MYT1L: variants seen among roughly 807,000 people sequenced by gnomAD.
MYT1L encodes myelin transcription factor 1 like, also known as myelin transcription factor 1-like protein.
Under a neutral mutation model 126.7 loss-of-function variants are expected in MYT1L, and 12 were observed. The ratio of observed to expected loss-of-function variants is 0.09; its 90% CI spans 0.06 to 0.15. The LOEUF is 0.15. Among genes scored for constraint, MYT1L ranks in the 10% least tolerant of loss-of-function variants. MYT1L has a pLI of 1.00. For synonymous variants in MYT1L, 541 were observed against 604.2 expected (o/e 0.90, Z 1.53); for missense variants, 979 against 1,585.2 (o/e 0.62, Z 6.49).
chr2:2,223,830 T>C (rs1435587188), intron 2 of MYT1L, among the ~76,000 whole-genome samples: 1 of 152,198 alleles, frequency 6.6e-6, no homozygotes, highest in Non-Finnish European at 1.5e-5. Flanking sequence ...ACTAAGAAGT[T>C]TTAAGCAAAA....
chr2:2,328,571 T>A (rs552950913), intron 1 of MYT1L, among the ~76,000 whole-genome samples: 1 of 152,334 alleles, frequency 6.6e-6, no homozygotes, highest in Admixed American at 6.5e-5. Context: ...TTGGCATAAG[T>A]TCTGCTGTTG....
chr2:1,987,433 A>G (rs954202297), intron 5 of MYT1L, among the ~76,000 whole-genome samples: 1 of 151,350 alleles, frequency 6.6e-6, no homozygotes, highest in African/African-American at 2.4e-5. Flanking sequence ...CAGCGTTTCC[A>G]TGGGAGGGGC....
At chr2:2,009,122 C>A (rs557978775) in intron 4 of MYT1L, among the ~76,000 whole-genome samples, 18 of 150,360 alleles carry the variant, frequency 1.2e-4, no homozygotes, top group Admixed American at 2.6e-4. Flanking sequence ...AGTATGATTC[C>A]TCCAACTTTG....
At chr2:1,830,572 G>C (rs891990509) in intron 21 of MYT1L, among the ~76,000 whole-genome samples, 5 of 146,560 alleles carry the variant, frequency 3.4e-5, no homozygotes, top group Non-Finnish European at 7.8e-5. Flanking sequence ...GGGGGAAAGG[G>C]TATTCTCGGC....
At chr2:1,898,563 G>T (rs975627562) in intron 14 of MYT1L, among the ~76,000 whole-genome samples, 8 of 152,212 alleles carry the variant, frequency 5.3e-5, no homozygotes, top group African/African-American at 1.7e-4. Context: ...AGAGGGTGGA[G>T]CGAATCTGCA....
At chr2:1,805,021 A>G (rs1357694637) in intron 22 of MYT1L, among the ~76,000 whole-genome samples, 1 of 152,194 alleles carries the variant, frequency 6.6e-6, no homozygotes, top group Admixed American at 6.5e-5. Context: ...GCTAAGAGGC[A>G]TACAGTGAAC....
rs146867170 is a variant in MYT1L, at chr2:2,198,191, T to A, written c.-420-25203A>T. Among the ~76,000 whole-genome samples the A allele has an allele frequency of 3.7e-3, 567 of 152,206 alleles. 3 individuals are homozygous for A. The highest frequency in any genetic ancestry group is 8.1e-3 in the South Asian group (39 of 4,810). Reference sequence around the variant, plus strand: ...AAAGACAAACACTGCATGATTTCATTCATACATAGAGGCTAAAACAGTTGA... The same window carrying A: ...AAAGACAAACACTGCATGATTTCATACATACATAGAGGCTAAAACAGTTGA... On this transcript the variant is annotated intron_variant, in intron 2 of 24. Coordinates refer to ENST00000647738, the MANE Select transcript of MYT1L (RefSeq NM_001303052.2).
chr2:2,044,514 A>G (rs1488188906), intron 4 of MYT1L, among the ~76,000 whole-genome samples: 6 of 152,186 alleles, frequency 3.9e-5, no homozygotes, highest in Non-Finnish European at 5.9e-5. Flanking sequence ...CCACAGCACA[A>G]AACTCTGCAA....
rs139539006 is a variant in MYT1L, at chr2:2,297,931, G to A, written c.-520-13428C>T. Among the ~76,000 whole-genome samples, 423 of 152,276 alleles carry A rather than the reference G, an allele frequency of 2.8e-3. 3 individuals are homozygous for A. Among genetic ancestry groups the A allele is most frequent in the Non-Finnish European group, 5.0e-3 (341 of 68,022 alleles). On this transcript the variant is annotated intron_variant, in intron 1 of 24. Coordinates refer to ENST00000647738, the MANE Select transcript of MYT1L (RefSeq NM_001303052.2). ...TACTCACATCTGCTTCATTCTCTGCGTCCACGCCACTTAAAGTTACACAAC... is the reference window on the plus strand; with the variant it reads ...TACTCACATCTGCTTCATTCTCTGCATCCACGCCACTTAAAGTTACACAAC...
At chr2:2,062,823 T>C (rs1319489125) in intron 3 of MYT1L, among the ~76,000 whole-genome samples, 4 of 152,156 alleles carry the variant, frequency 2.6e-5, no homozygotes, top group Admixed American at 2.6e-4. Flanking sequence ...GTCATAATTT[T>C]CTCTTTGCTT....
At chr2:2,104,574 G>T (rs7424523) in intron 3 of MYT1L, among the ~76,000 whole-genome samples, 1 of 152,228 alleles carries the variant, frequency 6.6e-6, no homozygotes, top group African/African-American at 2.4e-5. Flanking sequence ...AGGCTGGCTC[G>T]CCAGGGGCCA....
chr2:2,023,070 C>T (rs1427043166), intron 4 of MYT1L, among the ~76,000 whole-genome samples: 1 of 152,192 alleles, frequency 6.6e-6, no homozygotes, highest in African/African-American at 2.4e-5. Context: ...GTGCTGCCCA[C>T]ATCTTTGTCA....
At chr2:1,833,110 G>T (rs1485251616) in intron 21 of MYT1L, among the ~76,000 whole-genome samples, 1 of 152,220 alleles carries the variant, frequency 6.6e-6, no homozygotes, top group Admixed American at 6.5e-5. Context: ...AGGGTCTCAA[G>T]TTCCTAGGAA....
chr2:1,808,413 A>G (rs936617042), intron 22 of MYT1L, among the ~76,000 whole-genome samples: 3 of 152,190 alleles, frequency 2.0e-5, no homozygotes, highest in Non-Finnish European at 2.9e-5. Flanking sequence ...CTACAAAAGC[A>G]CTGAGATCAT....
chr2:2,190,575 AAAG>A (rs1553546098), intron 2 of MYT1L, among the ~76,000 whole-genome samples: 26 of 141,220 alleles, frequency 1.8e-4, no homozygotes, highest in African/African-American at 7.0e-4. Flanking sequence ...AAAAAAAAAA[AAAG>A]AAGAAGAAAG....
intron 2 of MYT1L, among the ~76,000 whole-genome samples, chr2:2,226,368 A>T (rs1375419039): frequency 6.6e-6 from 1 of 152,208 alleles, no homozygotes; most frequent in Non-Finnish European, 1.5e-5. Context: ...AATTAGATGG[A>T]TGGAATATAA....
chr2:1,915,925 G>T (rs773855654), intron 11 of MYT1L, among the ~76,000 whole-genome samples: 1 of 152,098 alleles, frequency 6.6e-6, no homozygotes, highest in Non-Finnish European at 1.5e-5. Flanking sequence ...TGTCGATTGC[G>T]GGTTCAGTGA....
At chr2:1,915,474 G>A (rs1361527805) in intron 11 of MYT1L, among the ~76,000 whole-genome samples, 1 of 151,906 alleles carries the variant, frequency 6.6e-6, no homozygotes, top group African/African-American at 2.4e-5. Flanking sequence ...GTGAAAACAG[G>A]GAGTCAGAAG....
At position 1,912,201 on chromosome 2, in the gene MYT1L, T is replaced by A; in HGVS notation, c.1619-91A>T. 1.2e-6 allele frequency: 1 copy of A among 858,618 alleles called. No homozygotes were observed. Among genetic ancestry groups the A allele is most frequent in the South Asian group, 2.1e-5 (1 of 47,754 alleles). The allele number at this position is 858,618 out of a possible 1,614,324, so 53.2% of individuals were successfully genotyped here. A position where few individuals can be genotyped will look rare whatever the true frequency, so the allele number is the denominator to read the frequency against. On this transcript the variant is annotated intron_variant, in intron 11 of 24. Coordinates refer to ENST00000647738, the MANE Select transcript of MYT1L (RefSeq NM_001303052.2). This position sits in a 1 kb window ranked among gnomAD's most constrained non-coding sequence, Gnocchi z 4.3. ...ATGCAGTCATTTAACAAAGGCCAGGTCGCTCATGATAGACAGTCCTACAAA... is the reference window on the plus strand; with the variant it reads ...ATGCAGTCATTTAACAAAGGCCAGGACGCTCATGATAGACAGTCCTACAAA...
Sources: allele counts gnomAD v4.1 joint callset (sites outside exome capture counted in the v4.1 genomes callset), GRCh38; gene constraint gnomAD v4.1.1; non-coding constraint Gnocchi (gnomAD v3.1); transcripts MANE v1.5; gene names NCBI Gene and HGNC (gene_info 2026-07-23, HGNC 2026-07-21).